Variants in ACO1 observed in about 807,000 individuals in gnomAD.
The protein encoded by ACO1 is cytoplasmic aconitate hydratase.
In ACO1, 78 loss-of-function variants were observed where a neutral mutation model predicts 105.1. That is an observed-to-expected ratio of 0.74 (90% CI 0.62 to 0.90). The LOEUF is 0.90. Among genes scored for constraint, ACO1 ranks in the 40% least tolerant of loss-of-function variants. The pLI, the probability that ACO1 is intolerant of heterozygous loss-of-function variation, is 0.00. For synonymous variants in ACO1, 364 were observed against 397.4 expected (o/e 0.92, Z 1.00); for missense variants, 965 against 1,111.1 (o/e 0.87, Z 1.87).
chr9:32,410,279 C>T (rs914089068), intron 4 of ACO1, among the ~76,000 whole-genome samples: 3 of 152,224 alleles, frequency 2.0e-5, no homozygotes, highest in Admixed American at 2.0e-4. Context: ...TACCTGATGG[C>T]CGGGCGTGGT....
intron 15 of ACO1, among the ~76,000 whole-genome samples, chr9:32,432,230 T>C (rs1486830525): frequency 6.6e-6 from 1 of 152,078 alleles, no homozygotes; most frequent in Non-Finnish European, 1.5e-5. Flanking sequence ...CAGAATGCAT[T>C]TTTGCACACT....
intron 1 of ACO1, among the ~76,000 whole-genome samples, chr9:32,404,512 C>T (rs1055890970): frequency 7.2e-5 from 11 of 152,166 alleles, no homozygotes; most frequent in African/African-American, 2.7e-4. Flanking sequence ...ATCTAGATTA[C>T]CAGTCTCACT....
rs147857017 is a variant in ACO1, at chr9:32,429,467, G to C, written c.1533G>C (p.Gly511=). The C allele has an allele frequency of 3.1e-6, 5 of 1,614,066 alleles. No individual in the cohort carries two copies. The highest frequency in any genetic ancestry group is 4.2e-6 in the Non-Finnish European group (5 of 1,180,044). Residue 511 remains glycine, a synonymous_variant, in exon 13 of 21, where the codon GGG becomes GGC. Coordinates refer to ENST00000309951, the MANE Select transcript of ACO1 (RefSeq NM_002197.3). The part of the protein sequence containing the change: ...YGCMTCIGNS[G]PLPEPVVEAI... ...GCATGACCTGCATTGGCAACAGTGG[G>C]CCTTTACCTGAACCTGTGGTAGAAG...
chr9:32,404,985 C>G (rs945882600), intron 1 of ACO1, among the ~76,000 whole-genome samples: 1 of 152,206 alleles, frequency 6.6e-6, no homozygotes, highest in Non-Finnish European at 1.5e-5. Flanking sequence ...ATTCCAGTAG[C>G]CTTTGCTGCC....
intron 18 of ACO1, among the ~76,000 whole-genome samples, chr9:32,437,363 C>T (rs1822384177): frequency 6.6e-6 from 1 of 152,224 alleles, no homozygotes. Context: ...TACCACCACA[C>T]ATACTGCCTC....
chr9:32,385,307 C>T (rs530570773), intron 1 of ACO1, among the ~76,000 whole-genome samples: 2 of 152,324 alleles, frequency 1.3e-5, no homozygotes, highest in Non-Finnish European at 2.9e-5. Flanking sequence ...ATTCAGCTAG[C>T]ACATCATAAT....
chr9:32,453,357 G>GAAAAAAA lies in ACO1; in HGVS notation c.*3254_*3260dup, dbSNP rs55804923. 1.4e-5 allele frequency: 2 copies of GAAAAAAA among 141,294 alleles called. No homozygotes were observed. The highest frequency in any genetic ancestry group is 1.5e-5 in the Non-Finnish European group (1 of 65,580). The allele number at this position is 141,294 out of a possible 1,614,324, so 8.8% of individuals were successfully genotyped here. ...GAAGCACAGCTCAAATTAGCTTAAG[G>GAAAAAAA]AAAAAAAAAAAAAAGCTGGCTCATA... On this transcript the variant is annotated 3_prime_UTR_variant, in exon 21 of 21. Transcript: ENST00000309951.
At chr9:32,435,509 C>T (rs1822335795) in intron 17 of ACO1, among the ~76,000 whole-genome samples, 1 of 152,342 alleles carries the variant, frequency 6.6e-6, no homozygotes, top group East Asian at 1.9e-4. Flanking sequence ...TCCTTAAATT[C>T]TATCTAACCA....
At chr9:32,407,166 G>C in intron 2 of ACO1, 95 bp from the exon 3 acceptor site, 1 of 1,123,552 alleles carries the variant, frequency 8.9e-7, no homozygotes, top group South Asian at 1.4e-5. Flanking sequence ...AGAATAGTCT[G>C]ATGCCTCATA....
chr9:32,395,435 C>T (rs1218236582), intron 1 of ACO1, among the ~76,000 whole-genome samples: 1 of 152,088 alleles, frequency 6.6e-6, no homozygotes, highest in Non-Finnish European at 1.5e-5. Flanking sequence ...GAGATTACGC[C>T]ACTGCATTCC....
At chr9:32,431,024 T>C (rs531973917) in intron 14 of ACO1, among the ~76,000 whole-genome samples, 96 of 152,192 alleles carry the variant, frequency 6.3e-4, no homozygotes, top group Non-Finnish European at 1.2e-3. Context: ...ATGAAAACAA[T>C]GCCTCTGAAA....
At chr9:32,440,710 G>A in intron 19 of ACO1, 123 bp downstream of exon 19, 1 of 1,346,064 alleles carries the variant, frequency 7.4e-7, no homozygotes, top group South Asian at 1.5e-5. Flanking sequence ...AAAAAAGCAG[G>A]TAGTGTTTAT....
At position 32,434,623 on chromosome 9, in the gene ACO1, C is replaced by T. The variant is rs754214724; in HGVS notation, c.2021C>T (p.Ser674Leu). The T allele has an allele frequency of 5.6e-6, 9 of 1,613,914 alleles. No individual in the cohort carries two copies. The highest frequency in any genetic ancestry group is 2.7e-5 in the African/African-American group (2 of 74,892). The stretch of plus-strand genomic sequence containing the variant: ...TATGTGCTGCTAAATTTGGGAGATT[C>T]GGTAACAACTGACCACATCTCCCCA... The part of the protein sequence containing the change: ...DAYVLLNLGD[S>L]VTTDHISPAG... Residue 674 changes from serine to leucine, a missense_variant, in exon 17 of 21, where the codon TCG becomes TTG. Physicochemically the swap from Ser to Leu is moderately radical, Grantham distance 145. Transcript: ENST00000309951.
intron 4 of ACO1, among the ~76,000 whole-genome samples, chr9:32,415,840 T>C (rs1821835605): frequency 6.6e-6 from 1 of 152,198 alleles, no homozygotes; most frequent in African/African-American, 2.4e-5. Context: ...CTTTAGGCTT[T>C]GCTGGCCACA....
At chr9:32,402,982 C>CAG (rs1237552508) in intron 1 of ACO1, among the ~76,000 whole-genome samples, 20 of 152,308 alleles carry the variant, frequency 1.3e-4, no homozygotes, top group Non-Finnish European at 2.5e-4. Context: ...TGGCTCAGAC[C>CAG]TGGTCTTGGG....
At chr9:32,408,094 T>A (rs180842035) in intron 3 of ACO1, among the ~76,000 whole-genome samples, 11 of 152,336 alleles carry the variant, frequency 7.2e-5, no homozygotes, top group Admixed American at 7.2e-4. Flanking sequence ...ACAGCCAACT[T>A]TTCTGAATTA....
Position 32,447,067 on chromosome 9 carries a change from T to C in ACO1, c.2371-1829T>C, listed in dbSNP as rs139093019. On this transcript the variant is annotated intron_variant, in intron 19 of 20. Coordinates refer to ENST00000309951, the MANE Select transcript of ACO1 (RefSeq NM_002197.3). The stretch of plus-strand genomic sequence containing the variant: ...TCTGACAATTATGGGTCTTGTTGAG[T>C]ATCTTTGTGGTGTTCCATGTATTTC... Among the ~76,000 whole-genome samples, 439 of 151,892 alleles carry C rather than the reference T, an allele frequency of 2.9e-3. 4 individuals carry two copies. The highest frequency in any genetic ancestry group is 9.6e-3 in the African/African-American group (398 of 41,504).
intron 12 of ACO1, among the ~76,000 whole-genome samples, chr9:32,428,403 T>C (rs1230102492): frequency 6.6e-6 from 1 of 151,738 alleles, no homozygotes; most frequent in Non-Finnish European, 1.5e-5. Context: ...TCAGGGGCAA[T>C]AACATCCATG....
At chr9:32,387,360 A>G (rs1821176383) in intron 1 of ACO1, among the ~76,000 whole-genome samples, 1 of 152,250 alleles carries the variant, frequency 6.6e-6, no homozygotes, top group African/African-American at 2.4e-5. Flanking sequence ...CTCCGTGTTC[A>G]GTGGCAACAC....
Sources: allele counts gnomAD v4.1 joint callset (sites outside exome capture counted in the v4.1 genomes callset), GRCh38; gene constraint gnomAD v4.1.1; transcripts MANE v1.5; gene names NCBI Gene and HGNC (gene_info 2026-07-23, HGNC 2026-07-21).